DHRS4L2: variants seen among roughly 807,000 people sequenced by gnomAD.
DHRS4L2 encodes the protein dehydrogenase/reductase 4 like 2, also known as dehydrogenase/reductase SDR family member 4-like 2.
DHRS4L2 carries 22 observed loss-of-function variants against 23.9 expected under a neutral mutation model. The ratio of observed to expected loss-of-function variants is 0.92; its 90% CI spans 0.66 to 1.31. The LOEUF is 1.31. Among genes scored for constraint, DHRS4L2 ranks in the 40% most tolerant of loss-of-function variants. The pLI is 0.00. For missense variants in DHRS4L2, 385 were observed against 303.3 expected (o/e 1.27, Z -2.00); for synonymous variants, 141 against 123.7 (o/e 1.14, Z -0.93).
upstream of DHRS4L2, among the ~76,000 whole-genome samples, chr14:23,986,837 G>A (rs570877217): frequency 4.0e-5 from 6 of 151,550 alleles, no homozygotes; most frequent in Non-Finnish European, 7.4e-5. Flanking sequence ...AGAGCCCTGG[G>A]AAGGGTTCCC....
upstream of DHRS4L2, among the ~76,000 whole-genome samples, chr14:23,988,374 T>C (rs1336067281): frequency 6.8e-6 from 1 of 148,086 alleles, no homozygotes; most frequent in Admixed American, 6.9e-5. Context: ...GAAGAGACCT[T>C]GGGCAGAGTG....
Position 23,990,072 on chromosome 14 carries a change from A to G in DHRS4L2, c.129-110A>G, listed in dbSNP as rs998557017. On this transcript the variant is annotated intron_variant, in intron 1 of 7. Coordinates refer to ENST00000335125, the MANE Select transcript of DHRS4L2 (RefSeq NM_198083.4). ...CATAGTAGGCACACGTAGGAGTTATATAGAGAAAGAGCCAGAATTCAAACC... is the reference window on the plus strand; with the variant it reads ...CATAGTAGGCACACGTAGGAGTTATGTAGAGAAAGAGCCAGAATTCAAACC... The G allele has an allele frequency of 5.0e-5, 76 of 1,522,534 alleles. 4 individuals carry two copies. The highest frequency in any genetic ancestry group is 6.2e-5 in the Non-Finnish European group (70 of 1,128,732). The allele number at this position is 1,522,534 out of a possible 1,614,324, so 94.3% of individuals were successfully genotyped here.
chr14:23,995,425 A>G (rs1329047428), intron 3 of DHRS4L2, among the ~76,000 whole-genome samples: 1 of 151,724 alleles, frequency 6.6e-6, no homozygotes, highest in South Asian at 2.1e-4. Context: ...TTGATTTCCA[A>G]CAGAGACGTA....
At chr14:23,985,528 C>G (rs1265107425), upstream of DHRS4L2, among the ~76,000 whole-genome samples, 1 of 151,492 alleles carries the variant, frequency 6.6e-6, no homozygotes, top group Non-Finnish European at 1.5e-5. Flanking sequence ...GAATTCTCTT[C>G]TGGACCGCAG....
At chr14:23,977,686 TTTC>T (rs779732022) in intron 1 of DHRS4L2, among the ~76,000 whole-genome samples, 1 of 151,852 alleles carries the variant, frequency 6.6e-6, no homozygotes, top group Admixed American at 6.6e-5. Context: ...CTTTCTTATT[TTTC>T]TTCTTCTGTA....
upstream of DHRS4L2, chr14:23,988,880 C>T: frequency 6.3e-7 from 1 of 1,580,014 alleles, no homozygotes; most frequent in South Asian, 1.1e-5. Context: ...CGCCCTTCGT[C>T]CTGCCCCTTC....
At chr14:24,004,436 G>A in intron 7 of DHRS4L2, 44 bp downstream of exon 7, 3 of 1,585,170 alleles carry the variant, frequency 1.9e-6, no homozygotes, top group Non-Finnish European at 1.7e-6. Context: ...CATGAAGATG[G>A]GAAGGTCTGG....
At chr14:23,991,506 C>A (rs558883634) in intron 2 of DHRS4L2, among the ~76,000 whole-genome samples, 1 of 151,878 alleles carries the variant, frequency 6.6e-6, no homozygotes, top group African/African-American at 2.4e-5. Context: ...CTTAACATGG[C>A]CTACAGGCCT....
chr14:23,977,319 C>G (rs2033986655), intron 1 of DHRS4L2, among the ~76,000 whole-genome samples: 1 of 151,702 alleles, frequency 6.6e-6, no homozygotes, highest in South Asian at 2.1e-4. Context: ...ACCCCAAGGG[C>G]TGGCAGTGCT....
chr14:23,986,699 C>CGT (rs1566491737), upstream of DHRS4L2, among the ~76,000 whole-genome samples: 8 of 151,302 alleles, frequency 5.3e-5, 1 homozygote, highest in African/African-American at 1.7e-4. Flanking sequence ...TCAGTGGGCC[C>CGT]GTCTACCTCT....
At chr14:23,993,071 G>A (rs981707111) in intron 2 of DHRS4L2, among the ~76,000 whole-genome samples, 1 of 149,106 alleles carries the variant, frequency 6.7e-6, no homozygotes, top group African/African-American at 2.5e-5. Context: ...AGAGGAGTAT[G>A]GGGTATACAG....
At chr14:23,989,817 C>T (rs1407507358) in intron 1 of DHRS4L2, among the ~76,000 whole-genome samples, 2 of 151,644 alleles carry the variant, frequency 1.3e-5, no homozygotes, top group African/African-American at 4.8e-5. Context: ...AAGAAAGAAA[C>T]CTGGCGGCAG....
chr14:23,994,252 G>C (rs1235535171), intron 2 of DHRS4L2, among the ~76,000 whole-genome samples: 1 of 151,712 alleles, frequency 6.6e-6, no homozygotes, highest in Non-Finnish European at 1.5e-5. Context: ...GTGGAACTCA[G>C]TGTGAAAGGA....
intron 1 of DHRS4L2, among the ~76,000 whole-genome samples, chr14:23,976,448 G>A (rs1403979573): frequency 6.6e-6 from 1 of 151,790 alleles, no homozygotes; most frequent in Non-Finnish European, 1.5e-5. Context: ...AAAAAGTCAG[G>A]AAACAATAGA....
chr14:23,988,829 A>AG, upstream of DHRS4L2: 2 of 1,433,834 alleles, frequency 1.4e-6, no homozygotes, highest in Non-Finnish European at 1.8e-6. Context: ...GACGACTCCC[A>AG]GCTGGCCGAG....
chr14:23,975,673 T>A (rs1223329526), intron 1 of DHRS4L2, among the ~76,000 whole-genome samples: 8 of 151,656 alleles, frequency 5.3e-5, no homozygotes, highest in Admixed American at 5.3e-4. Context: ...CTACCTGACT[T>A]CAAACTATAC....
intron 1 of DHRS4L2, among the ~76,000 whole-genome samples, chr14:23,971,083 G>T (rs952771620): frequency 2.6e-5 from 4 of 152,022 alleles, no homozygotes; most frequent in Non-Finnish European, 5.9e-5. Flanking sequence ...AAACCAGAAC[G>T]TCTCTTCTCT....
intron 1 of DHRS4L2, among the ~76,000 whole-genome samples, chr14:23,976,211 G>C (rs568220541): frequency 6.6e-6 from 1 of 151,718 alleles, no homozygotes; most frequent in Non-Finnish European, 1.5e-5. Context: ...CTATCCATCT[G>C]ACAAAGGTCT....
chr14:24,004,867 AC>A (rs1241595545), intron 7 of DHRS4L2: 1 of 112,320 alleles, frequency 8.9e-6, no homozygotes, highest in Non-Finnish European at 1.5e-5. Context: ...CTGTTCAAGC[AC>A]CTTTGTCGGG....
Sources: gnomAD v4.1 joint callset for allele counts (sites outside exome capture counted in the v4.1 genomes callset) on GRCh38, gnomAD v4.1.1 for gene constraint, MANE v1.5 for transcripts, NCBI Gene and HGNC (gene_info 2026-07-23, HGNC 2026-07-21) for gene names.